Variants in DIAPH2 observed in about 807,000 individuals in gnomAD.
DIAPH2 encodes diaphanous related formin 2.
A neutral mutation model predicts 92.7 loss-of-function variants in DIAPH2; 35 were observed. The observed-to-expected ratio is 0.38, with a 90% confidence interval of 0.29 to 0.50. The LOEUF is 0.50. Ranked by LOEUF, DIAPH2 falls within the 20% of genes least tolerant of loss-of-function variation. The probability of loss-of-function intolerance (pLI) is 0.94; values close to 1 mark genes in which losing one functional copy is unlikely to be tolerated. For missense variants in DIAPH2, 701 were observed against 819.5 expected, an observed-to-expected ratio of 0.86 and a Z score of 1.77; for synonymous variants, 301 against 280.4, an observed-to-expected ratio of 1.07 and a Z score of -0.73.
intron 1 of DIAPH2, among the ~76,000 whole-genome samples, chrX:96,686,881 A>G (rs1036887536): frequency 1.0e-3 from 117 of 111,667 alleles, no homozygotes; most frequent in Non-Finnish European, 8.3e-4. Context: ...TATTTTGAGT[A>G]TTATGTTAAT....
At chrX:97,107,426 T>G (rs1227475061) in intron 20 of DIAPH2, among the ~76,000 whole-genome samples, 1 of 112,162 alleles carries the variant, frequency 8.9e-6, no homozygotes, top group African/African-American at 3.2e-5. Context: ...TGATTATTTT[T>G]TCCAGGCCTG....
chrX:96,715,843 T>C (rs1400268196), intron 1 of DIAPH2, among the ~76,000 whole-genome samples: 3 of 111,118 alleles, frequency 2.7e-5, no homozygotes, highest in Non-Finnish European at 5.7e-5. Flanking sequence ...AATATTTTCA[T>C]AGACGTAATA....
intron 9 of DIAPH2, among the ~76,000 whole-genome samples, chrX:96,925,635 T>C (rs2065575596): frequency 8.9e-6 from 1 of 111,816 alleles, no homozygotes; most frequent in Non-Finnish European, 1.9e-5. Context: ...CACTTCAGAA[T>C]GCTTAAAGTC....
At chrX:97,465,792 G>A (rs1157448863) in intron 26 of DIAPH2, among the ~76,000 whole-genome samples, 1 of 111,619 alleles carries the variant, frequency 9.0e-6, no homozygotes, top group East Asian at 2.8e-4. Flanking sequence ...GGGTTCAAAC[G>A]ATTTTCCTGC....
chrX:96,988,501 A>C, intron 17 of DIAPH2, among the ~76,000 whole-genome samples: 1 of 110,466 alleles, frequency 9.1e-6, no homozygotes, highest in East Asian at 2.8e-4. Flanking sequence ...CTGTCCAATA[A>C]GTATCTTATT....
At chrX:97,556,091 C>A (rs2071255048) in intron 26 of DIAPH2, among the ~76,000 whole-genome samples, 1 of 111,728 alleles carries the variant, frequency 9.0e-6, no homozygotes, top group East Asian at 2.8e-4. Context: ...CCCCTCTGTT[C>A]CCAGTGGGAA....
chrX:96,830,358 T>A (rs766158325), intron 4 of DIAPH2, among the ~76,000 whole-genome samples: 1 of 108,725 alleles, frequency 9.2e-6, no homozygotes, highest in African/African-American at 3.3e-5. Context: ...GATCACGAGG[T>A]CAGGAGATCG....
At chrX:97,173,960 TC>T (rs2067472998) in intron 22 of DIAPH2, among the ~76,000 whole-genome samples, 1 of 107,006 alleles carries the variant, frequency 9.3e-6, no homozygotes, top group Non-Finnish European at 1.9e-5. Flanking sequence ...TCTAATGGTA[TC>T]TAAAGTAGCA....
intron 26 of DIAPH2, among the ~76,000 whole-genome samples, chrX:97,595,195 A>G (rs1252306251): frequency 1.8e-5 from 2 of 112,484 alleles, no homozygotes; most frequent in East Asian, 5.6e-4. Context: ...TTAGGTGTGG[A>G]TCTGAAACTT....
In DIAPH2 at chrX:97,200,594, A is replaced by T. The variant is rs1022980008; in HGVS notation, c.2720-47121A>T. Among the ~76,000 whole-genome samples, 3 of 111,680 alleles carry T rather than the reference A, an allele frequency of 2.7e-5. No individual in the cohort carries two copies. In the East Asian group the frequency reaches 8.5e-4, roughly 32 times the overall value. ...GCGTGGCAAAGCGGCTGTGGCCAGA[A>T]TGCTTCTCTAGATTCCTACTCAGGG... On this transcript the variant is annotated intron_variant, in intron 22 of 26. Transcript: ENST00000324765.
At chrX:96,717,006 C>T (rs2063953877) in intron 1 of DIAPH2, among the ~76,000 whole-genome samples, 1 of 110,891 alleles carries the variant, frequency 9.0e-6, no homozygotes, top group African/African-American at 3.3e-5. Context: ...TTTTGGTGTC[C>T]CACAAATCCT....
Position 97,104,216 on chromosome X carries a change from A to G in DIAPH2, c.2349+4421A>G, listed in dbSNP as rs780030018. Among the ~76,000 whole-genome samples, 14 of 112,190 alleles carry G rather than the reference A, an allele frequency of 1.2e-4. No individual in the cohort carries two copies. The South Asian group carries it at 5.2e-3, about 42-fold the overall frequency. On this transcript the variant is annotated intron_variant, in intron 20 of 26. Coordinates refer to ENST00000324765, the MANE Select transcript of DIAPH2 (RefSeq NM_006729.5). ...GATTTTATTCACGTGTGCTTAACAA[A>G]TATTTCTTGAATGCATTTGCATGAA... is the stretch of plus-strand genomic sequence containing the variant.
Position 97,390,693 on chromosome X carries a change from C to T in DIAPH2, c.3145+6649C>T, listed in dbSNP as rs777684691. 9.0e-5 allele frequency among the ~76,000 whole-genome samples: 10 copies of T among 111,284 alleles called. No individual in the cohort carries two copies. The East Asian group carries it at 2.3e-3, about 25-fold the overall frequency. On this transcript the variant is annotated intron_variant, in intron 25 of 26. Transcript: ENST00000324765. ...GATTACAGGCATGAGCCACCACGCCCGGCCTTGGCCTATTTTCATTTCTTT... is the reference window on the plus strand; with the variant it reads ...GATTACAGGCATGAGCCACCACGCCTGGCCTTGGCCTATTTTCATTTCTTT...
At chrX:97,283,298 G>GTGA (rs988246309) in intron 23 of DIAPH2, among the ~76,000 whole-genome samples, 1 of 111,742 alleles carries the variant, frequency 8.9e-6, no homozygotes, top group Non-Finnish European at 1.9e-5. Flanking sequence ...GATGGTGGTA[G>GTGA]TGATGATGAT....
At chrX:97,058,660 C>T (rs1379300961) in intron 17 of DIAPH2, among the ~76,000 whole-genome samples, 1 of 110,630 alleles carries the variant, frequency 9.0e-6, no homozygotes, top group Admixed American at 9.7e-5. Flanking sequence ...ACACTTCAGG[C>T]ATCCTCACTA....
chrX:97,510,203 A>C (rs6620299), intron 26 of DIAPH2, among the ~76,000 whole-genome samples: 38,068 of 103,912 alleles, frequency 0.37, 5,486 homozygotes, highest in East Asian at 0.54. Flanking sequence ...TCACCATTCT[A>C]ACTGGTGTGA....
chrX:96,806,397 A>G (rs1313932888), intron 4 of DIAPH2, among the ~76,000 whole-genome samples: 1 of 110,382 alleles, frequency 9.1e-6, no homozygotes, highest in Non-Finnish European at 1.9e-5. Flanking sequence ...CTGTAATCCC[A>G]GCACTTTGGG....
chrX:96,766,612 A>G (rs1482112379), intron 4 of DIAPH2, among the ~76,000 whole-genome samples: 1 of 112,090 alleles, frequency 8.9e-6, no homozygotes, highest in East Asian at 2.8e-4. Flanking sequence ...CAGGTAGGAA[A>G]TTTATAGAGG....
intron 17 of DIAPH2, among the ~76,000 whole-genome samples, chrX:97,035,423 G>A (rs1156999700): frequency 8.9e-6 from 1 of 111,965 alleles, no homozygotes; most frequent in Non-Finnish European, 1.9e-5. Flanking sequence ...TCATGAAATA[G>A]TATGAGCAAA....
Sources: gnomAD v4.1 joint callset for allele counts (sites outside exome capture counted in the v4.1 genomes callset) on GRCh38, gnomAD v4.1.1 for gene constraint, MANE v1.5 for transcripts, NCBI Gene and HGNC (gene_info 2026-07-23, HGNC 2026-07-21) for gene names.